GRIP2: variants seen among roughly 807,000 people sequenced by gnomAD.
The protein encoded by GRIP2 is glutamate receptor-interacting protein 2.
Under a neutral mutation model 108.3 loss-of-function variants are expected in GRIP2, and 58 were observed. That is an observed-to-expected ratio of 0.54 (90% CI 0.43 to 0.67). The LOEUF (loss-of-function observed/expected upper bound fraction) is 0.67. Among genes scored for constraint, GRIP2 ranks in the 30% least tolerant of loss-of-function variants. The pLI is 0.00. For synonymous variants in GRIP2, 586 were observed against 598.2 expected (o/e 0.98, Z 0.30); for missense variants, 1,278 against 1,430.6 (o/e 0.89, Z 1.72).
the GRIP2 span, among the ~76,000 whole-genome samples, chr3:14,588,708 A>G: frequency 4.6e-5 from 7 of 152,230 alleles, no homozygotes; most frequent in Non-Finnish European, 7.3e-5. Flanking sequence ...CTCTGGCAGG[A>G]AAGCTTCCTG....
At chr3:14,529,426 C>CAT (rs1694653008) in intron 1 of GRIP2, among the ~76,000 whole-genome samples, 1 of 152,094 alleles carries the variant, frequency 6.6e-6, no homozygotes, top group Non-Finnish European at 1.5e-5. Flanking sequence ...AAATCCTGGG[C>CAT]ATAATGCAAT....
the GRIP2 span, among the ~76,000 whole-genome samples, chr3:14,577,754 T>C: frequency 6.6e-6 from 1 of 152,160 alleles, no homozygotes. Flanking sequence ...GTTGCTCACA[T>C]GCACCCTAGG....
At chr3:14,539,989 A>G (rs1407363536) in intron 1 of GRIP2, among the ~76,000 whole-genome samples, 1 of 152,080 alleles carries the variant, frequency 6.6e-6, no homozygotes. Context: ...CCTTCCCCCT[A>G]CAAGGCTGAG....
chr3:14,600,476 C>G, the GRIP2 span, among the ~76,000 whole-genome samples: 2 of 152,210 alleles, frequency 1.3e-5, no homozygotes, highest in African/African-American at 4.8e-5. Context: ...TGAGTCTGGT[C>G]TTCAAGCCCA....
At chr3:14,529,051 A>G (rs1694637482) in intron 1 of GRIP2, among the ~76,000 whole-genome samples, 1 of 151,376 alleles carries the variant, frequency 6.6e-6, no homozygotes, top group Non-Finnish European at 1.5e-5. Flanking sequence ...GGGGCGGATC[A>G]TGAGGTCAGG....
At chr3:14,539,035 G>A (rs988014503) in intron 1 of GRIP2, among the ~76,000 whole-genome samples, 1 of 152,234 alleles carries the variant, frequency 6.6e-6, no homozygotes, top group Non-Finnish European at 1.5e-5. Flanking sequence ...TCCAGGCCAA[G>A]AAGGCAGAGC....
the GRIP2 span, among the ~76,000 whole-genome samples, chr3:14,591,981 GTCTA>G: frequency 6.6e-6 from 1 of 152,240 alleles, no homozygotes; most frequent in African/African-American, 2.4e-5. Context: ...CTAGGACCTT[GTCTA>G]TCTACTTCAG....
At chr3:14,586,003 C>T in the GRIP2 span, among the ~76,000 whole-genome samples, 2 of 152,178 alleles carry the variant, frequency 1.3e-5, no homozygotes, top group Admixed American at 6.5e-5. Flanking sequence ...GCTAAGCTCT[C>T]TGCCCTTACC....
the GRIP2 span, among the ~76,000 whole-genome samples, chr3:14,572,357 T>C: frequency 6.6e-6 from 1 of 151,854 alleles, no homozygotes; most frequent in Non-Finnish European, 1.5e-5. Flanking sequence ...CTCACGCCTG[T>C]AATCCCAGCA....
At chr3:14,515,463 G>A (rs976997386) in intron 11 of GRIP2, among the ~76,000 whole-genome samples, 1 of 151,870 alleles carries the variant, frequency 6.6e-6, no homozygotes, top group Non-Finnish European at 1.5e-5. Context: ...AAATATATTT[G>A]CATCATTAAT....
chr3:14,586,285 T>C, the GRIP2 span, among the ~76,000 whole-genome samples: 2 of 152,214 alleles, frequency 1.3e-5, no homozygotes, highest in Non-Finnish European at 2.9e-5. Flanking sequence ...TACTTATTTG[T>C]CCCGTTTCTG....
In GRIP2 at chr3:14,505,763, G is replaced by A. The variant is rs765118255; in HGVS notation, c.2425C>T (p.Arg809Trp). 7.7e-6 allele frequency: 12 copies of A among 1,566,400 alleles called. No homozygotes were observed. Among genetic ancestry groups the A allele is most frequent in the East Asian group, 6.9e-5 (3 of 43,172 alleles). The change falls in exon 20 of 24, where the codon CGG becomes TGG. Residue 809 changes from arginine to tryptophan, a missense_variant. Arg to Trp is a moderately radical substitution (Grantham distance 101). Coordinates refer to ENST00000621039, the MANE Select transcript of GRIP2 (RefSeq NM_001080423.4). The surrounding 1 kb of genome is among the most constrained non-coding windows in gnomAD (Gnocchi z 4.2). The part of the protein sequence containing the change: ...PGSYTPQAAA[R>W]GTTPQERRPG... ...CTCCGCTCCTGGGGGGTCGTGCCCCGGGCTGCTGCCTGTGGTGTATAGGAC... is the reference window on the plus strand; with the variant it reads ...CTCCGCTCCTGGGGGGTCGTGCCCCAGGCTGCTGCCTGTGGTGTATAGGAC...
At chr3:14,502,091 A>G (rs1173761554) in intron 21 of GRIP2, among the ~76,000 whole-genome samples, 1 of 152,226 alleles carries the variant, frequency 6.6e-6, no homozygotes, top group Non-Finnish European at 1.5e-5. Flanking sequence ...TTATATTAGT[A>G]GTCACAACAA....
At chr3:14,595,804 G>T in the GRIP2 span, among the ~76,000 whole-genome samples, 1 of 152,376 alleles carries the variant, frequency 6.6e-6, no homozygotes, top group African/African-American at 2.4e-5. Context: ...TCGTGGTGGG[G>T]CCATGGTGAG....
At chr3:14,506,748 C>T in intron 19 of GRIP2, 53 bp downstream of exon 19, 1 of 1,473,334 alleles carries the variant, frequency 6.8e-7, no homozygotes, top group Non-Finnish European at 9.1e-7. Flanking sequence ...GGCCCAGCAG[C>T]AGGGGCGGCC....
rs1462795940 is a variant in GRIP2 at position 14,523,862 on chromosome 3, T to C, written c.404-164A>G. The C allele has an allele frequency of 3.4e-5, 21 of 609,640 alleles. No individual in the cohort carries two copies. In the East Asian group the frequency reaches 5.8e-4, roughly 17 times the overall value. 37.8% of individuals were successfully genotyped at this position (609,640 alleles called of 1,614,324 possible). ...GTCGAACAAGTGAGGCTTAGAGGGA[T>C]CCTCTCCCCTAATCCCACTTAGCCC... On this transcript the variant is annotated intron_variant, in intron 4 of 23. Coordinates refer to ENST00000621039, the MANE Select transcript of GRIP2 (RefSeq NM_001080423.4).
the GRIP2 span, among the ~76,000 whole-genome samples, chr3:14,585,267 T>C: frequency 6.6e-6 from 1 of 152,234 alleles, no homozygotes; most frequent in Non-Finnish European, 1.5e-5. Context: ...GTGATGCACC[T>C]GCCTCGGCCT....
Position 14,505,716 on chromosome 3 carries a change from GCTGCCCCT to G in GRIP2, c.2464_2471del (p.Arg822ProfsTer17), listed in dbSNP as rs1693906225. ...TCCTCCGGGGCTCGGTGGGTGGGGG[GCTGCCCCT>G]CAGCCAGCCAGGCCTCCGCTCCTGG... On this transcript the variant is annotated frameshift_variant, in exon 20 of 24. Coordinates refer to ENST00000621039, the MANE Select transcript of GRIP2 (RefSeq NM_001080423.4). LOFTEE classifies it high-confidence loss of function. This position sits in a 1 kb window ranked among gnomAD's most constrained non-coding sequence, Gnocchi z 4.2. 1.3e-6 allele frequency: 2 copies of G among 1,589,954 alleles called. No individual in the cohort carries two copies. The highest frequency in any genetic ancestry group is 4.6e-5 in the East Asian group (2 of 43,702).
chr3:14,540,515 G>T, upstream of GRIP2: 1 of 1,179,668 alleles, frequency 8.5e-7, no homozygotes, highest in Non-Finnish European at 1.2e-6. This position sits in a 1 kb window ranked among gnomAD's most constrained non-coding sequence, Gnocchi z 4.1. Context: ...GGTCCAACAT[G>T]CCCCACCCCT....
Sources: gnomAD v4.1 joint callset for allele counts (sites outside exome capture counted in the v4.1 genomes callset) on GRCh38, gnomAD v4.1.1 for gene constraint, Gnocchi (gnomAD v3.1) non-coding constraint, MANE v1.5 for transcripts, NCBI Gene and HGNC (gene_info 2026-07-23, HGNC 2026-07-21) for gene names.